The following NELL2 variants were observed in gnomAD, a reference collection of about 807,000 sequenced individuals.
NELL2 encodes the protein protein kinase C-binding protein NELL2.
A neutral mutation model predicts 109.6 loss-of-function variants in NELL2; 41 were observed. That is an observed-to-expected ratio of 0.37 (90% CI 0.29 to 0.49). NELL2 has a LOEUF of 0.49. Among genes scored for constraint, NELL2 ranks in the 20% least tolerant of loss-of-function variants. The pLI is 0.98. For missense variants in NELL2, 900 were observed against 1,008.3 expected (o/e 0.89, Z 1.45); for synonymous variants, 355 against 344.7 (o/e 1.03, Z -0.33).
chr12:44,670,175 C>T (rs1255033930), intron 12 of NELL2, among the ~76,000 whole-genome samples: 2 of 152,226 alleles, frequency 1.3e-5, no homozygotes, highest in East Asian at 3.9e-4. Flanking sequence ...TAAAGAAATT[C>T]TTTCTCAGAT....
At chr12:44,769,731 A>T (rs1374310778) in intron 9 of NELL2, among the ~76,000 whole-genome samples, 1 of 152,130 alleles carries the variant, frequency 6.6e-6, no homozygotes. Flanking sequence ...CCAACAATAG[A>T]CTGAATTGTG....
chr12:44,543,638 T>A (rs1458183841), intron 15 of NELL2, among the ~76,000 whole-genome samples: 2 of 152,198 alleles, frequency 1.3e-5, no homozygotes, highest in Non-Finnish European at 2.9e-5. Context: ...TATGGCTTTG[T>A]GTTAGAGTTC....
chr12:44,634,888 T>A (rs1022363341), intron 13 of NELL2, among the ~76,000 whole-genome samples: 1 of 151,874 alleles, frequency 6.6e-6, no homozygotes, highest in East Asian at 2.0e-4. Context: ...TTTTCTGTTC[T>A]TGTGTTAATT....
At chr12:44,641,986 C>G (rs191442201) in intron 13 of NELL2, among the ~76,000 whole-genome samples, 1 of 152,058 alleles carries the variant, frequency 6.6e-6, no homozygotes, top group Non-Finnish European at 1.5e-5. Flanking sequence ...CATAAGCCAG[C>G]GCGCCCGGCC....
intron 1 of NELL2, among the ~76,000 whole-genome samples, chr12:44,913,426 A>G (rs1245127776): frequency 6.6e-6 from 1 of 152,150 alleles, no homozygotes; most frequent in Non-Finnish European, 1.5e-5. Flanking sequence ...CCATGATGGC[A>G]TATCTAAGTT....
rs1190761648 is a variant in NELL2 at position 44,890,720 on chromosome 12, T to TTTTTA, written c.39-14825_39-14821dup. Reference sequence around the variant, plus strand: ...TTTATTTTTCTTTATTTTCTTTATTTTTTTATTTTATTTTATTTTATTTTT... The same window carrying TTTTTA: ...TTTATTTTTCTTTATTTTCTTTATTTTTTTATTTTATTTTATTTTATTTTATTTTT... On this transcript the variant is annotated intron_variant, in intron 1 of 20. Coordinates refer to the NELL2 transcript ENST00000333837. 4.6e-5 allele frequency among the ~76,000 whole-genome samples: 7 copies of TTTTTA among 151,884 alleles called. No individual in the cohort carries two copies. The East Asian group carries it at 1.2e-3, about 25-fold the overall frequency.
chr12:44,598,518 A>G (rs1417542680), intron 15 of NELL2, among the ~76,000 whole-genome samples: 1 of 152,162 alleles, frequency 6.6e-6, no homozygotes, highest in African/African-American at 2.4e-5. Context: ...GAATGGCCAA[A>G]GTTCATCACT....
In NELL2 at chr12:44,729,760, C is replaced by T. The variant is rs558930270; in HGVS notation, c.995-15019G>A. Among the ~76,000 whole-genome samples the T allele has an allele frequency of 1.3e-4, 19 of 151,234 alleles. 1 individual carries two copies. Among genetic ancestry groups the T allele is most frequent in the South Asian group, 1.0e-3 (5 of 4,776 alleles). On this transcript the variant is annotated intron_variant, in intron 9 of 19. Transcript: ENST00000429094. ...CATGCGCCTGTACTAGGATTACAGG[C>T]GTGAACCACCACACCAGGCCTTTTT...
At chr12:44,837,629 T>C (rs181306578) in intron 2 of NELL2, among the ~76,000 whole-genome samples, 2 of 152,298 alleles carry the variant, frequency 1.3e-5, no homozygotes, top group Admixed American at 6.5e-5. Context: ...ATTATCACCA[T>C]AGCTGTAGAT....
At chr12:44,618,003 T>C (rs913533513) in intron 13 of NELL2, among the ~76,000 whole-genome samples, 2 of 152,152 alleles carry the variant, frequency 1.3e-5, no homozygotes, top group African/African-American at 2.4e-5. Flanking sequence ...CAGGGGAAAA[T>C]TGCCTGCTGA....
chr12:44,612,376 G>C lies in NELL2; in HGVS notation c.1445-1406C>G, dbSNP rs138174160. ...AGATTATTCCCAATAATCCTTTAGAGGAAAGAAAGATTTCAATCACCAAGG... is the reference window on the plus strand; with the variant it reads ...AGATTATTCCCAATAATCCTTTAGACGAAAGAAAGATTTCAATCACCAAGG... On this transcript the variant is annotated intron_variant, in intron 13 of 19. Coordinates refer to ENST00000429094, the MANE Select transcript of NELL2 (RefSeq NM_001145108.2). 2.0e-3 allele frequency among the ~76,000 whole-genome samples: 303 copies of C among 151,858 alleles called. 2 individuals are homozygous for C. Among genetic ancestry groups the C allele is most frequent in the African/African-American group, 6.7e-3 (278 of 41,426 alleles).
chr12:44,598,883 ACTCTCT>A (rs71459071), intron 15 of NELL2, among the ~76,000 whole-genome samples: 71 of 144,038 alleles, frequency 4.9e-4, no homozygotes, highest in Admixed American at 2.6e-3. Context: ...ACACACACAC[ACTCTCT>A]CTCTCTCTCT....
chr12:44,778,233 A>G (rs949112928), intron 5 of NELL2, among the ~76,000 whole-genome samples: 1 of 152,214 alleles, frequency 6.6e-6, no homozygotes, highest in Non-Finnish European at 1.5e-5. Context: ...AAGATTTACC[A>G]GTCAAATACT....
At chr12:44,813,146 C>G (rs1259667918) in intron 3 of NELL2, among the ~76,000 whole-genome samples, 2 of 152,100 alleles carry the variant, frequency 1.3e-5, no homozygotes, top group Admixed American at 6.6e-5. Context: ...CAATGAGTGG[C>G]AGAGCTATGA....
intron 5 of NELL2, among the ~76,000 whole-genome samples, chr12:44,778,927 T>C (rs1390079678): frequency 6.6e-6 from 1 of 152,204 alleles, no homozygotes; most frequent in African/African-American, 2.4e-5. Flanking sequence ...GTATGTGATC[T>C]ACCTTGAAAT....
intron 9 of NELL2, among the ~76,000 whole-genome samples, chr12:44,739,709 G>C (rs1939839174): frequency 6.6e-6 from 1 of 152,078 alleles, no homozygotes; most frequent in South Asian, 2.1e-4. Flanking sequence ...TGGCCAACAT[G>C]GTGAAACCTC....
chr12:44,918,878 T>C (rs999983657), upstream of NELL2, among the ~76,000 whole-genome samples: 2 of 152,194 alleles, frequency 1.3e-5, no homozygotes, highest in Non-Finnish European at 2.9e-5. Context: ...AGGTAGTCCC[T>C]GATTCCCAAT....
upstream of NELL2, among the ~76,000 whole-genome samples, chr12:44,918,513 ATGTATGTGTGTGTGTGTGTGTGTGTGTG>A (rs1945845458): frequency 8.2e-6 from 1 of 121,310 alleles, no homozygotes; most frequent in Admixed American, 8.3e-5. Flanking sequence ...TCATGCATGC[ATGTATGTGTGTGTGTGTGTGTGTGTGTG>A]TGTGTGTGTG....
chr12:44,599,962 T>TG (rs971030396), intron 15 of NELL2, among the ~76,000 whole-genome samples: 2 of 111,280 alleles, frequency 1.8e-5, no homozygotes, highest in African/African-American at 5.9e-5. Context: ...AGAATTCCGT[T>TG]TTTTTTTTTT....
Sources: allele counts gnomAD v4.1 joint callset (sites outside exome capture counted in the v4.1 genomes callset), GRCh38; gene constraint gnomAD v4.1.1; transcripts MANE v1.5; gene names NCBI Gene and HGNC (gene_info 2026-07-23, HGNC 2026-07-21).